Variants in BLTP3A observed in about 807,000 individuals in gnomAD.
The protein encoded by BLTP3A is ICBP90 binding protein 1.
the BLTP3A span, among the ~76,000 whole-genome samples, chr6:34,808,346 CAAAAAAAAAAAAAAAA>C: frequency 7.5e-5 from 2 of 26,720 alleles, no homozygotes; most frequent in East Asian, 3.8e-3. Context: ...AACTCCGTCT[CAAAAAAAAAAAAAAAA>C]AAAAAAAAGA....
the BLTP3A span, chr6:34,859,538 C>T: frequency 6.2e-7 from 1 of 1,614,082 alleles, no homozygotes. Flanking sequence ...ATGACCTCCA[C>T]CATGCACAAG....
the BLTP3A span, chr6:34,867,559 A>C: frequency 6.2e-7 from 1 of 1,613,826 alleles, no homozygotes; most frequent in Non-Finnish European, 8.5e-7. Context: ...AGAGGAACTG[A>C]CCCTCCAGCA....
chr6:34,804,094 C>T, the BLTP3A span, among the ~76,000 whole-genome samples: 1 of 152,104 alleles, frequency 6.6e-6, no homozygotes, highest in Non-Finnish European at 1.5e-5. Flanking sequence ...ACACTGTCTT[C>T]CTTTCAGGCA....
chr6:34,844,615 T>A, the BLTP3A span, among the ~76,000 whole-genome samples: 4 of 152,228 alleles, frequency 2.6e-5, no homozygotes, highest in African/African-American at 9.7e-5. Context: ...TGATCCATGA[T>A]ATTGAGCACT....
the BLTP3A span, chr6:34,857,398 C>T: frequency 6.2e-7 from 1 of 1,614,196 alleles, no homozygotes; most frequent in South Asian, 1.1e-5. Flanking sequence ...ACTTCACAAC[C>T]TCCCTACCCA....
chr6:34,833,084 GCA>G, the BLTP3A span, among the ~76,000 whole-genome samples: 1 of 152,146 alleles, frequency 6.6e-6, no homozygotes, highest in Non-Finnish European at 1.5e-5. Context: ...TCTTTGGGAA[GCA>G]CAGTTGATCC....
chr6:34,816,101 A>G, the BLTP3A span, among the ~76,000 whole-genome samples: 12 of 152,212 alleles, frequency 7.9e-5, no homozygotes, highest in East Asian at 1.9e-4. Context: ...ACATTTATCT[A>G]TATGGAACTG....
chr6:34,867,090 A>T, the BLTP3A span: 7 of 788,952 alleles, frequency 8.9e-6, no homozygotes, highest in South Asian at 1.6e-4. Context: ...ATATCTAGTT[A>T]GTCCTCAAAT....
At chr6:34,835,426 G>A in the BLTP3A span, 2 of 1,614,172 alleles carry the variant, frequency 1.2e-6, no homozygotes, top group East Asian at 4.5e-5. Context: ...GGAGAAGTCA[G>A]CCCATCAAAG....
the BLTP3A span, among the ~76,000 whole-genome samples, chr6:34,810,834 T>A: frequency 6.6e-6 from 1 of 152,220 alleles, no homozygotes; most frequent in Non-Finnish European, 1.5e-5. Flanking sequence ...TGGTGTCATG[T>A]ATAGTCTGTA....
At chr6:34,846,128 C>T in the BLTP3A span, among the ~76,000 whole-genome samples, 2 of 120,484 alleles carry the variant, frequency 1.7e-5, no homozygotes, top group Non-Finnish European at 3.4e-5. Flanking sequence ...CCCTTCCCTT[C>T]CCTCCTTCCT....
chr6:34,801,861 C>T, the BLTP3A span, among the ~76,000 whole-genome samples: 2 of 152,138 alleles, frequency 1.3e-5, no homozygotes, highest in East Asian at 1.9e-4. Context: ...CCTCAGTCTC[C>T]GGAGTAGCTG....
At chr6:34,854,861 A>G in the BLTP3A span, among the ~76,000 whole-genome samples, 1 of 152,206 alleles carries the variant, frequency 6.6e-6, no homozygotes, top group Non-Finnish European at 1.5e-5. Flanking sequence ...TACTAGTAGG[A>G]GACAGGCTGG....
At chr6:34,799,629 A>T in the BLTP3A span, among the ~76,000 whole-genome samples, 1 of 152,260 alleles carries the variant, frequency 6.6e-6, no homozygotes, top group East Asian at 1.9e-4. Flanking sequence ...ATGTCAATGT[A>T]GCAGAAAGAA....
the BLTP3A span, among the ~76,000 whole-genome samples, chr6:34,822,231 G>A: frequency 6.6e-6 from 1 of 151,548 alleles, no homozygotes; most frequent in Non-Finnish European, 1.5e-5. Context: ...TCTACCCTTA[G>A]ACTTTTCTAT....
chr6:34,792,548 T>C, the BLTP3A span, among the ~76,000 whole-genome samples: 67,833 of 151,680 alleles, frequency 0.45, 17,194 homozygotes, highest in African/African-American at 0.7. Flanking sequence ...CTCTCCCCAC[T>C]CTAACAACCC....
the BLTP3A span, chr6:34,821,822 A>G: frequency 9.3e-6 from 15 of 1,613,966 alleles, no homozygotes; most frequent in South Asian, 1.6e-4. Context: ...CCGGGTGAGA[A>G]TGAGGGTCAG....
At chr6:34,821,940 A>G in the BLTP3A span, 1 of 1,614,242 alleles carries the variant, frequency 6.2e-7, no homozygotes, top group Non-Finnish European at 8.5e-7. Flanking sequence ...AGTTGAAGAC[A>G]CACCCTATTT....
the BLTP3A span, among the ~76,000 whole-genome samples, chr6:34,853,088 G>T: frequency 1.3e-5 from 2 of 152,148 alleles, no homozygotes; most frequent in African/African-American, 4.8e-5. Context: ...TACCTTCTTT[G>T]GTGCATCTTT....
Sources: gnomAD v4.1 joint callset for allele counts (sites outside exome capture counted in the v4.1 genomes callset) on GRCh38, gnomAD v4.1.1 for gene constraint, MANE v1.5 for transcripts, NCBI Gene and HGNC (gene_info 2026-07-23, HGNC 2026-07-21) for gene names.